Variants in MAP2K2 observed in about 807,000 individuals in gnomAD.
MAP2K2 encodes the protein dual specificity mitogen-activated protein kinase kinase 2.
In MAP2K2, 24 loss-of-function variants were observed where a neutral mutation model predicts 43.7. The observed-to-expected ratio is 0.55, with a 90% CI of 0.40 to 0.77. The LOEUF (loss-of-function observed/expected upper bound fraction) is 0.77. Ranked by LOEUF, MAP2K2 falls within the 30% of genes least tolerant of loss-of-function variation. MAP2K2 has a pLI of 0.00. For missense variants in MAP2K2, 470 were observed against 566.8 expected (o/e 0.83, Z 1.73); for synonymous variants, 244 against 239.7 (o/e 1.02, Z -0.17).
chr19:4,097,868 T>C (rs370322790), intron 7 of MAP2K2, among the ~76,000 whole-genome samples: 2,831 of 49,640 alleles, frequency 0.057, 83 homozygotes, highest in African/African-American at 0.12. Flanking sequence ...AATGGGCAGG[T>C]GGGCTGGGGC....
chr19:4,109,721 C>A (rs2041130792), intron 3 of MAP2K2, among the ~76,000 whole-genome samples: 1 of 152,112 alleles, frequency 6.6e-6, no homozygotes, highest in African/African-American at 2.4e-5. Flanking sequence ...AATGATCCTC[C>A]CACCTCAGCC....
intron 8 of MAP2K2, among the ~76,000 whole-genome samples, chr19:4,097,027 CAAA>C (rs11353017): frequency 1.1e-4 from 14 of 130,564 alleles, no homozygotes; most frequent in African/African-American, 1.8e-4. Context: ...GACAATGTCT[CAAA>C]AAAAAAAAAA....
At chr19:4,118,930 A>G (rs2041260515) in intron 1 of MAP2K2, among the ~76,000 whole-genome samples, 1 of 152,260 alleles carries the variant, frequency 6.6e-6, no homozygotes, top group African/African-American at 2.4e-5. Context: ...ACAGACAACT[A>G]AGCGCAATGC....
At position 4,092,660 on chromosome 19, in the gene MAP2K2, A is replaced by G. The variant is rs1277837146; in HGVS notation, c.1092+1793T>C. Among the ~76,000 whole-genome samples the G allele has an allele frequency of 2.6e-5, 4 of 152,224 alleles. No homozygotes were observed. In the East Asian group the frequency reaches 7.7e-4, roughly 29 times the overall value. ...TTATTTATTTATTTTGGAGAGGCAC[A>G]GTCTCACCATGTTGCCCAGGCTGGC... On this transcript the variant is annotated intron_variant, in intron 10 of 10. Transcript: ENST00000262948.
At chr19:4,117,026 A>G (rs1271824119) in intron 2 of MAP2K2, among the ~76,000 whole-genome samples, 2 of 152,244 alleles carry the variant, frequency 1.3e-5, no homozygotes, top group Non-Finnish European at 2.9e-5. Flanking sequence ...GCGGTCTGTC[A>G]CTGGCTGAGC....
rs1339257986 is a variant in MAP2K2, at chr19:4,095,295, T to A, written c.1046+93A>T. The A allele has an allele frequency of 2.7e-6, 3 of 1,115,294 alleles. No homozygotes were observed. The Admixed American group carries it at 6.3e-5, about 23-fold the overall frequency. The allele number at this position is 1,115,294 out of a possible 1,614,324, so 69.1% of individuals were successfully genotyped here. On this transcript the variant is annotated intron_variant, in intron 9 of 10. Transcript: ENST00000262948. ...CCTAACGCTGCACTGGGATTCTGGA[T>A]GGGCAGGCTGGGCCACGGGCCCCAC...
At chr19:4,094,671 AG>A (rs2145042215) in intron 9 of MAP2K2, 173 bp from the exon 10 acceptor site, 1 of 654,010 alleles carries the variant, frequency 1.5e-6, no homozygotes, top group East Asian at 2.8e-5. Flanking sequence ...GCAGAGGACG[AG>A]GGATCCACCT....
chr19:4,094,179 G>A (rs1426183962), intron 10 of MAP2K2, among the ~76,000 whole-genome samples: 2 of 152,130 alleles, frequency 1.3e-5, no homozygotes, highest in South Asian at 2.1e-4. Context: ...CTGTGGGTGC[G>A]GGACCAGCAC....
chr19:4,101,103 C>T lies in MAP2K2; in HGVS notation c.621G>A (p.Glu207=), dbSNP rs397517416. The T allele has an allele frequency of 2.2e-5, 35 of 1,606,254 alleles. No homozygotes were observed. The Middle Eastern group carries it at 6.6e-4, about 30-fold the overall frequency. ...PSNILVNSRG[E]IKLCDFGVSG... ...TCACCCCGAAGTCACACAGCTTGAT[C>T]TCCCCTCTAGAGTTCACGAGGATGT... The change falls in exon 6 of 11, where the codon GAG becomes GAA. Residue 207 remains glutamate (E), a synonymous_variant. Transcript: ENST00000262948. The surrounding 1 kb of genome is among the most constrained non-coding windows in gnomAD (Gnocchi z 6.3).
At chr19:4,091,275 T>C (rs567936667) in intron 10 of MAP2K2, among the ~76,000 whole-genome samples, 1 of 152,340 alleles carries the variant, frequency 6.6e-6, no homozygotes, top group South Asian at 2.1e-4. Context: ...CCAGAGCCCC[T>C]GGACTGTGGC....
intron 7 of MAP2K2, 47 bp downstream of exon 7, chr19:4,099,154 G>T: frequency 1.3e-6 from 2 of 1,512,420 alleles, no homozygotes; most frequent in Non-Finnish European, 9.0e-7. Context: ...CAGGCCCCGC[G>T]CAGGGCACTG....
rs562961057 is a variant in MAP2K2, at chr19:4,116,474, G to C, written c.303+945C>G. Among the ~76,000 whole-genome samples the C allele has an allele frequency of 2.6e-5, 4 of 151,938 alleles. No homozygotes were observed. The East Asian group carries it at 7.8e-4, about 30-fold the overall frequency. Reference sequence around the variant, plus strand: ...GAACCCAGGAGGTAGAGGTTGCAGTGAGCCAAGATCGCACCACTGCACTCC... The same window carrying C: ...GAACCCAGGAGGTAGAGGTTGCAGTCAGCCAAGATCGCACCACTGCACTCC... On this transcript the variant is annotated intron_variant, in intron 2 of 10. Transcript: ENST00000262948.
intron 6 of MAP2K2, 83 bp downstream of exon 6, chr19:4,100,936 G>A (rs2145053312): frequency 1.3e-6 from 2 of 1,499,296 alleles, no homozygotes; most frequent in Non-Finnish European, 1.8e-6. Flanking sequence ...GAGGGGGAGA[G>A]CTGGCTGGCA....
At chr19:4,094,700 G>A (rs1469949271) in intron 9 of MAP2K2, 2 of 597,332 alleles carry the variant, frequency 3.3e-6, no homozygotes, top group Non-Finnish European at 6.0e-6. Flanking sequence ...TTGGTGCCAG[G>A]GGCAGGACAC....
chr19:4,114,064 G>A (rs1232376064), intron 2 of MAP2K2, among the ~76,000 whole-genome samples: 1 of 152,178 alleles, frequency 6.6e-6, no homozygotes, highest in Non-Finnish European at 1.5e-5. Flanking sequence ...AGGCTGAGGC[G>A]GGAGGATCGC....
chr19:4,098,613 G>A (rs1483908983), intron 7 of MAP2K2, among the ~76,000 whole-genome samples: 3 of 152,168 alleles, frequency 2.0e-5, no homozygotes, highest in South Asian at 2.1e-4. Flanking sequence ...TCTGACTGGC[G>A]TCAGGGAGCT....
chr19:4,122,170 C>T lies in MAP2K2; in HGVS notation c.92+1614G>A, dbSNP rs1422403509. Among the ~76,000 whole-genome samples, 3 of 135,582 alleles carry T rather than the reference C, an allele frequency of 2.2e-5. No homozygotes were observed. The East Asian group carries it at 6.8e-4, about 31-fold the overall frequency. The allele number at this position is 135,582 out of a possible 152,430, so 88.9% of individuals were successfully genotyped here. On this transcript the variant is annotated intron_variant, in intron 1 of 10. Transcript: ENST00000262948. ...CTGTGGCTCAGGCACCCTCCCACCC[C>T]ATCTCTCCCCCATAGGAACCCTCCC...
At chr19:4,123,223 G>A (rs989160280) in intron 1 of MAP2K2, among the ~76,000 whole-genome samples, 2 of 150,554 alleles carry the variant, frequency 1.3e-5, no homozygotes, top group African/African-American at 4.9e-5. Flanking sequence ...GCCTCATCCT[G>A]TTCTCTCCTT....
chr19:4,094,475 C>A lies in MAP2K2; in HGVS notation c.1070G>T (p.Arg357Leu). Reference protein sequence around the residue: ...NKCLIKNPAERADLKMLTNHT... With the variant: ...NKCLIKNPAELADLKMLTNHT... Reference sequence around the variant, plus strand: ...CACTGTGAGCATCTTCAGGTCCGCCCGCTCCGCTGGGTTCTTGATGAGGCT... The same window carrying A: ...CACTGTGAGCATCTTCAGGTCCGCCAGCTCCGCTGGGTTCTTGATGAGGCT... The change falls in exon 10 of 11, where the codon CGG becomes CTG. Residue 357 changes from arginine (R) to leucine (L), a missense_variant. Transcript: ENST00000262948. 1 of 1,568,366 alleles carries A rather than the reference C, an allele frequency of 6.4e-7. No homozygotes were observed. The highest frequency in any genetic ancestry group is 2.3e-5 in the East Asian group (1 of 42,978).
Sources: gnomAD v4.1 joint callset for allele counts (sites outside exome capture counted in the v4.1 genomes callset) on GRCh38, gnomAD v4.1.1 for gene constraint, Gnocchi (gnomAD v3.1) non-coding constraint, MANE v1.5 for transcripts, NCBI Gene and HGNC (gene_info 2026-07-23, HGNC 2026-07-21) for gene names.